MRAP2: variants seen among roughly 807,000 people sequenced by gnomAD.
MRAP2 encodes the protein melanocortin-2 receptor accessory protein 2.
Under a neutral mutation model 17.4 loss-of-function variants are expected in MRAP2, and 20 were observed. That is an observed-to-expected ratio of 1.15 (90% CI 0.81 to 1.67). MRAP2 has a LOEUF of 1.67. MRAP2 is among the 40% of genes most tolerant of loss of function. MRAP2 has a pLI of 0.00. For missense variants in MRAP2, 238 were observed against 240.0 expected (o/e 0.99, Z 0.05); for synonymous variants, 96 against 88.4 (o/e 1.09, Z -0.48).
intron 1 of MRAP2, among the ~76,000 whole-genome samples, chr6:84,043,116 C>T (rs1184744131): frequency 1.3e-5 from 2 of 152,194 alleles, no homozygotes; most frequent in East Asian, 3.8e-4. Flanking sequence ...TCTTATTCTG[C>T]CAACTCTTTC....
At chr6:84,132,810 A>G in the MRAP2 span, among the ~76,000 whole-genome samples, 1 of 151,976 alleles carries the variant, frequency 6.6e-6, no homozygotes. Context: ...ACCTCGGAGA[A>G]GTTTGTTATT....
intron 3 of MRAP2, among the ~76,000 whole-genome samples, chr6:84,087,945 A>G (rs558774459): frequency 1.3e-5 from 2 of 152,298 alleles, no homozygotes; most frequent in African/African-American, 2.4e-5. Context: ...TGATTTTGAT[A>G]ATTTGGAGTT....
the MRAP2 span, among the ~76,000 whole-genome samples, chr6:84,123,629 A>G: frequency 6.6e-6 from 1 of 152,184 alleles, no homozygotes. Flanking sequence ...AAATGCTAGA[A>G]GAAAACCTAG....
chr6:84,141,010 C>G, the MRAP2 span, among the ~76,000 whole-genome samples: 1 of 152,184 alleles, frequency 6.6e-6, no homozygotes, highest in African/African-American at 2.4e-5. Context: ...ACCTAGATCA[C>G]TTGCATGTGC....
At chr6:84,120,996 T>C in the MRAP2 span, among the ~76,000 whole-genome samples, 1 of 152,160 alleles carries the variant, frequency 6.6e-6, no homozygotes, top group East Asian at 1.9e-4. Flanking sequence ...ATGCAAAAAC[T>C]CAATTTTTCT....
the MRAP2 span, among the ~76,000 whole-genome samples, chr6:84,121,013 A>T: frequency 6.6e-6 from 1 of 151,794 alleles, no homozygotes; most frequent in Admixed American, 6.6e-5. Context: ...TTCTATCAAT[A>T]CTGGTAATAT....
chr6:84,131,545 A>G, the MRAP2 span, among the ~76,000 whole-genome samples: 1 of 152,156 alleles, frequency 6.6e-6, no homozygotes, highest in Non-Finnish European at 1.5e-5. Flanking sequence ...TTGGGTGCAT[A>G]TATATTTAGG....
At chr6:84,080,975 G>A (rs1433358429) in intron 3 of MRAP2, among the ~76,000 whole-genome samples, 1 of 152,066 alleles carries the variant, frequency 6.6e-6, no homozygotes, top group Non-Finnish European at 1.5e-5. Flanking sequence ...ATTAGCAATA[G>A]CACATATATT....
chr6:84,059,911 A>G (rs2099492664), intron 2 of MRAP2, among the ~76,000 whole-genome samples: 1 of 152,180 alleles, frequency 6.6e-6, no homozygotes, highest in Admixed American at 6.5e-5. Flanking sequence ...ATCTTACTGT[A>G]GTGCCTATGC....
chr6:84,064,686 A>G (rs2099494151), intron 3 of MRAP2, among the ~76,000 whole-genome samples: 1 of 152,078 alleles, frequency 6.6e-6, no homozygotes, highest in Non-Finnish European at 1.5e-5. Context: ...ACAGGGTTTC[A>G]CCATGTTAGC....
At chr6:84,087,361 T>TA (rs1436105990) in intron 3 of MRAP2, among the ~76,000 whole-genome samples, 1 of 152,230 alleles carries the variant, frequency 6.6e-6, no homozygotes, top group African/African-American at 2.4e-5. Flanking sequence ...GATATGCATT[T>TA]ATCTCAGTGA....
At chr6:84,077,235 C>T (rs561829961) in intron 3 of MRAP2, among the ~76,000 whole-genome samples, 1 of 152,144 alleles carries the variant, frequency 6.6e-6, no homozygotes, top group Non-Finnish European at 1.5e-5. Flanking sequence ...AGATTTCTTC[C>T]CATTGGGAGA....
chr6:84,086,211 A>C (rs775838176), intron 3 of MRAP2, among the ~76,000 whole-genome samples: 10 of 152,356 alleles, frequency 6.6e-5, no homozygotes, highest in Non-Finnish European at 7.3e-5. Flanking sequence ...AAAAGAAGAC[A>C]AAGTTTTTTA....
chr6:84,119,129 T>C, the MRAP2 span, among the ~76,000 whole-genome samples: 7 of 152,246 alleles, frequency 4.6e-5, no homozygotes, highest in African/African-American at 1.2e-4. Flanking sequence ...CCTTGAGCTT[T>C]GCTCTTTTTG....
intron 3 of MRAP2, 67 bp downstream of exon 3, chr6:84,063,059 C>G (rs2099493599): frequency 6.2e-7 from 1 of 1,605,622 alleles, no homozygotes; most frequent in Non-Finnish European, 8.5e-7. Flanking sequence ...GAAACTACTA[C>G]CCAGGGCCGG....
the MRAP2 span, among the ~76,000 whole-genome samples, chr6:84,129,322 T>C: frequency 6.6e-6 from 1 of 152,204 alleles, no homozygotes; most frequent in Non-Finnish European, 1.5e-5. Context: ...TGTAAAAGCA[T>C]TCCTATTTCT....
In MRAP2 at chr6:84,089,344, C is replaced by T; in HGVS notation, c.481C>T (p.Leu161Phe). The T allele has an allele frequency of 6.2e-7, 1 of 1,614,202 alleles. No individual in the cohort carries two copies. The highest frequency in any genetic ancestry group is 8.5e-7 in the Non-Finnish European group (1 of 1,180,030). The change falls in exon 4 of 4, where the codon CTC becomes TTC. Residue 161 changes from leucine to phenylalanine, a missense_variant. Coordinates refer to ENST00000257776, the MANE Select transcript of MRAP2 (RefSeq NM_138409.4). ...GCAGCCAGAGGAGGAGCTGAACAGG[C>T]TCATGAAGTTTGACATCCCCAACTT... is the stretch of plus-strand genomic sequence containing the variant. ...SGQPEEELNR[L>F]MKFDIPNFVN...
chr6:84,073,781 A>G (rs2099496848), intron 3 of MRAP2, among the ~76,000 whole-genome samples: 1 of 152,178 alleles, frequency 6.6e-6, no homozygotes, highest in Admixed American at 6.5e-5. Context: ...GGATTATTGT[A>G]AACCAAGCTT....
chr6:84,036,612 C>T (rs1192003998), intron 1 of MRAP2, among the ~76,000 whole-genome samples: 1 of 152,114 alleles, frequency 6.6e-6, no homozygotes, highest in African/African-American at 2.4e-5. Flanking sequence ...GAGTGAGCAG[C>T]AGCAAGATTT....
Sources: allele counts gnomAD v4.1 joint callset (sites outside exome capture counted in the v4.1 genomes callset), GRCh38; gene constraint gnomAD v4.1.1; transcripts MANE v1.5; gene names NCBI Gene and HGNC (gene_info 2026-07-23, HGNC 2026-07-21).